COL26A1: variants seen among roughly 807,000 people sequenced by gnomAD.
COL26A1 encodes the protein collagen type XXVI alpha 1 chain, also known as collagen alpha-1(XXVI) chain.
COL26A1 carries 41 observed loss-of-function variants against 59.3 expected under a neutral mutation model. The ratio of observed to expected loss-of-function variants is 0.69; its 90% CI spans 0.54 to 0.90. COL26A1 has a LOEUF of 0.90. COL26A1 is among the 40% of genes least tolerant of loss of function. The probability of loss-of-function intolerance (pLI) is 0.00; values close to 1 mark genes in which losing one functional copy is unlikely to be tolerated. For missense variants in COL26A1, 612 were observed against 602.3 expected (o/e 1.02, Z -0.17); for synonymous variants, 266 against 256.0 (o/e 1.04, Z -0.37).
chr7:101,526,269 G>A (rs1395524718), intron 3 of COL26A1, among the ~76,000 whole-genome samples: 1 of 152,002 alleles, frequency 6.6e-6, no homozygotes, highest in Non-Finnish European at 1.5e-5. Flanking sequence ...GGCTGGTCTT[G>A]ACCTCTCAAC....
rs373724707 is a variant in COL26A1 at position 101,525,600 on chromosome 7, A to C, written c.386-7482A>C. Reference sequence around the variant, plus strand: ...CAAGCTCCGCCTCCCGGGTTCAAGCAATTCTCCTGCCTCAGCCTCCTGAGT... The same window carrying C: ...CAAGCTCCGCCTCCCGGGTTCAAGCCATTCTCCTGCCTCAGCCTCCTGAGT... On this transcript the variant is annotated intron_variant, in intron 3 of 12. Transcript: ENST00000313669. 3.4e-4 allele frequency among the ~76,000 whole-genome samples: 47 copies of C among 136,618 alleles called. No individual in the cohort carries two copies. The East Asian group carries it at 6.3e-3, about 18-fold the overall frequency. 89.6% of individuals were successfully genotyped at this position (136,618 alleles called of 152,430 possible).
intron 3 of COL26A1, among the ~76,000 whole-genome samples, chr7:101,455,884 C>G (rs1793458996): frequency 1.3e-5 from 2 of 152,022 alleles, no homozygotes; most frequent in African/African-American, 4.8e-5. Context: ...CGAGGTTTTA[C>G]CATGTTGGCC....
At chr7:101,466,765 GA>G (rs1231751879) in intron 3 of COL26A1, among the ~76,000 whole-genome samples, 2 of 150,650 alleles carry the variant, frequency 1.3e-5, no homozygotes, top group East Asian at 3.9e-4. Flanking sequence ...TTAGGACTGA[GA>G]TGAGAATGCT....
chr7:101,381,923 G>C (rs947801202), intron 1 of COL26A1, among the ~76,000 whole-genome samples: 2 of 152,206 alleles, frequency 1.3e-5, no homozygotes, highest in African/African-American at 4.8e-5. Context: ...GGGTTGCACT[G>C]ATCTTAGGCT....
intron 3 of COL26A1, among the ~76,000 whole-genome samples, chr7:101,480,750 G>A (rs755629299): frequency 2.6e-5 from 4 of 151,990 alleles, no homozygotes; most frequent in East Asian, 1.9e-4. Flanking sequence ...CGATCCTCCC[G>A]CCTTGGCCTC....
intron 2 of COL26A1, among the ~76,000 whole-genome samples, chr7:101,434,403 G>A (rs1452774704): frequency 4.6e-5 from 7 of 151,550 alleles, no homozygotes; most frequent in South Asian, 4.2e-4. Context: ...ACAGGCACAC[G>A]CCACCACGCT....
At chr7:101,368,471 GCAGAGCAGGGATA>G (rs1409866898) in intron 1 of COL26A1, among the ~76,000 whole-genome samples, 1 of 152,222 alleles carries the variant, frequency 6.6e-6, no homozygotes, top group African/African-American at 2.4e-5. Context: ...CCTGCTCCTT[GCAGAGCAGGGATA>G]CCCCATAGGC....
chr7:101,489,921 GTCTCTC>G (rs1328632188), intron 3 of COL26A1, among the ~76,000 whole-genome samples: 1 of 43,438 alleles, frequency 2.3e-5, no homozygotes, highest in Non-Finnish European at 4.2e-5. Flanking sequence ...TTTCTTTCTT[GTCTCTC>G]TCTCTCTCTT....
At chr7:101,371,189 A>C (rs1791183190) in intron 1 of COL26A1, among the ~76,000 whole-genome samples, 1 of 152,152 alleles carries the variant, frequency 6.6e-6, no homozygotes. Context: ...TGGGGACTCA[A>C]ACGTGAAGGC....
chr7:101,404,881 C>T (rs1045848034), intron 1 of COL26A1, among the ~76,000 whole-genome samples: 2 of 146,770 alleles, frequency 1.4e-5, no homozygotes, highest in Non-Finnish European at 3.0e-5. Flanking sequence ...CAGCCTGGGT[C>T]ACAGAGTGAG....
intron 3 of COL26A1, among the ~76,000 whole-genome samples, chr7:101,484,840 T>TTTAATTAA (rs138487721): frequency 0.018 from 2,616 of 147,322 alleles, 44 homozygotes; most frequent in Non-Finnish European, 0.025. Context: ...TTTTTGTATT[T>TTTAATTAA]TTAATTAATT....
At chr7:101,529,983 GTAT>G (rs1468910805) in intron 3 of COL26A1, among the ~76,000 whole-genome samples, 3 of 152,144 alleles carry the variant, frequency 2.0e-5, no homozygotes, top group Admixed American at 1.3e-4. Context: ...CTCCCCACCA[GTAT>G]TAGAGTGTTG....
intron 3 of COL26A1, among the ~76,000 whole-genome samples, chr7:101,480,206 T>C (rs1444449012): frequency 6.6e-6 from 1 of 152,164 alleles, no homozygotes. Context: ...TGCTCATAAT[T>C]TCTATTTCTT....
At chr7:101,363,601 T>TGGGGCCGC (rs767746878) in intron 1 of COL26A1, among the ~76,000 whole-genome samples, 3,398 of 49,594 alleles carry the variant, frequency 0.069, 80 homozygotes, top group East Asian at 0.13. Context: ...GGCTGGGGGT[T>TGGGGCCGC]GGGGCCGCGG....
In COL26A1 at chr7:101,550,989, C is replaced by A. The variant is rs576064138; in HGVS notation, c.994-119C>A. On this transcript the variant is annotated intron_variant, in intron 9 of 12. Transcript: ENST00000313669. ...CTTCCCGTGCCGGCCGGGCCATCCTCCTCTCCCTTCCTCTTCTGCAGACTC... is the reference window on the plus strand; with the variant it reads ...CTTCCCGTGCCGGCCGGGCCATCCTACTCTCCCTTCCTCTTCTGCAGACTC... The A allele has an allele frequency of 3.5e-4, 410 of 1,172,486 alleles. 4 individuals are homozygous for A. The South Asian group carries it at 5.1e-3, about 15-fold the overall frequency. 72.6% of individuals were successfully genotyped at this position (1,172,486 alleles called of 1,614,324 possible).
At chr7:101,502,692 G>A (rs1367115877) in intron 3 of COL26A1, among the ~76,000 whole-genome samples, 1 of 152,202 alleles carries the variant, frequency 6.6e-6, no homozygotes, top group Admixed American at 6.5e-5. Flanking sequence ...TGGCTGGATT[G>A]GGAGCCCCCT....
At chr7:101,449,948 A>AC (rs1387776638) in intron 3 of COL26A1, among the ~76,000 whole-genome samples, 3 of 151,940 alleles carry the variant, frequency 2.0e-5, no homozygotes, top group African/African-American at 7.3e-5. Flanking sequence ...ACATGATCAA[A>AC]CCCCAACTCT....
At chr7:101,373,219 A>G (rs1791234621) in intron 1 of COL26A1, among the ~76,000 whole-genome samples, 1 of 152,120 alleles carries the variant, frequency 6.6e-6, no homozygotes, top group Non-Finnish European at 1.5e-5. Context: ...GAGTGCTCAG[A>G]GCTAGCAGGA....
chr7:101,515,087 C>T (rs1251916155), intron 3 of COL26A1, among the ~76,000 whole-genome samples: 1 of 152,232 alleles, frequency 6.6e-6, no homozygotes, highest in Non-Finnish European at 1.5e-5. Flanking sequence ...GCCCACGGGG[C>T]AGGAGCTTTC....
Sources: gnomAD v4.1 joint callset for allele counts (sites outside exome capture counted in the v4.1 genomes callset) on GRCh38, gnomAD v4.1.1 for gene constraint, MANE v1.5 for transcripts, NCBI Gene and HGNC (gene_info 2026-07-23, HGNC 2026-07-21) for gene names.